The following CTNNA2 variants were observed in gnomAD, a reference collection of about 807,000 sequenced individuals.
The protein encoded by CTNNA2 is catenin alpha-2.
In CTNNA2, 42 loss-of-function variants were observed where a neutral mutation model predicts 101.0. The ratio of observed to expected loss-of-function variants is 0.42; its 90% CI spans 0.32 to 0.54. CTNNA2 has a LOEUF of 0.54. CTNNA2 is among the 20% of genes least tolerant of loss of function. The pLI, the probability that CTNNA2 is intolerant of heterozygous loss-of-function variation, is 0.14. For synonymous variants in CTNNA2, 450 were observed against 456.4 expected (o/e 0.99, Z 0.18); for missense variants, 871 against 1,223.1 (o/e 0.71, Z 4.29).
At chr2:80,051,444 G>T (rs746148226) in intron 7 of CTNNA2, among the ~76,000 whole-genome samples, 1 of 152,142 alleles carries the variant, frequency 6.6e-6, no homozygotes, top group Non-Finnish European at 1.5e-5. Flanking sequence ...ATCTTACTCT[G>T]CCAGATAGAT....
chr2:80,081,928 T>C (rs549956444), intron 7 of CTNNA2, among the ~76,000 whole-genome samples: 1 of 152,332 alleles, frequency 6.6e-6, no homozygotes, highest in East Asian at 1.9e-4. Context: ...TTTGGGACAC[T>C]AAAGGATTGC....
chr2:80,478,206 G>A (rs1685877509), intron 9 of CTNNA2, among the ~76,000 whole-genome samples: 1 of 152,028 alleles, frequency 6.6e-6, no homozygotes, highest in Non-Finnish European at 1.5e-5. Context: ...AAAAATGTCT[G>A]TGTATGTCAT....
chr2:79,866,475 T>C (rs1173574220), intron 4 of CTNNA2: 2 of 152,208 alleles, frequency 1.3e-5, no homozygotes, highest in African/African-American at 4.8e-5. Flanking sequence ...GGGATCCCTT[T>C]ATGTCAGCTC....
At chr2:80,260,044 C>T (rs1449462729) in intron 7 of CTNNA2, among the ~76,000 whole-genome samples, 2 of 152,138 alleles carry the variant, frequency 1.3e-5, no homozygotes, top group Non-Finnish European at 2.9e-5. Flanking sequence ...CTCTTTTAAT[C>T]GTCACAGTAA....
chr2:80,118,470 G>A (rs898155512), intron 7 of CTNNA2, among the ~76,000 whole-genome samples: 2 of 152,156 alleles, frequency 1.3e-5, no homozygotes, highest in Non-Finnish European at 2.9e-5. Flanking sequence ...CTTCCATGAA[G>A]GCATGATTTG....
chr2:79,344,034 C>T lies in CTNNA2; in HGVS notation c.-317-29797C>T, dbSNP rs111962528. Among the ~76,000 whole-genome samples, 891 of 152,206 alleles carry T rather than the reference C, an allele frequency of 5.9e-3. 4 individuals carry two copies. Among genetic ancestry groups the T allele is most frequent in the Non-Finnish European group, 0.01 (688 of 68,002 alleles). On this transcript the variant is annotated intron_variant, in intron 3 of 21. Coordinates refer to the CTNNA2 transcript ENST00000466387. ...ATGACCTCCTTTGTATGTAGGACGC[C>T]GAGCCCTGCCTTCATGCTCTCTTGT...
At chr2:79,974,070 G>T (rs1690671652) in intron 7 of CTNNA2, among the ~76,000 whole-genome samples, 1 of 151,998 alleles carries the variant, frequency 6.6e-6, no homozygotes, top group African/African-American at 2.4e-5. Flanking sequence ...CCTTCCCTTT[G>T]TCGCCATCTT....
chr2:80,571,611 A>C (rs199522694), intron 12 of CTNNA2, among the ~76,000 whole-genome samples: 4 of 152,128 alleles, frequency 2.6e-5, no homozygotes, highest in East Asian at 3.9e-4. Context: ...TGTATTTAAA[A>C]ATTTTTCACA....
intron 1 of CTNNA2, chr2:79,547,892 A>G (rs1008350501): frequency 2.6e-5 from 4 of 152,314 alleles, no homozygotes; most frequent in African/African-American, 7.2e-5. Context: ...ATGCTTATGC[A>G]TTATTTACCT....
At chr2:79,751,881 G>C (rs1296542742) in intron 3 of CTNNA2, among the ~76,000 whole-genome samples, 1 of 152,156 alleles carries the variant, frequency 6.6e-6, no homozygotes, top group Non-Finnish European at 1.5e-5. Flanking sequence ...GTACTACTTT[G>C]AGGGTCCAGG....
At chr2:79,475,143 G>C (rs1273149179) in intron 4 of CTNNA2, among the ~76,000 whole-genome samples, 2 of 151,754 alleles carry the variant, frequency 1.3e-5, no homozygotes, top group African/African-American at 2.4e-5. Context: ...TTTTGTCCCA[G>C]AGCTCCCCAT....
At chr2:80,611,816 TA>T (rs980164835) in intron 17 of CTNNA2, among the ~76,000 whole-genome samples, 23 of 151,588 alleles carry the variant, frequency 1.5e-4, no homozygotes, top group African/African-American at 5.3e-4. Context: ...TTTTTAAAGT[TA>T]AAAGATAACA....
chr2:80,269,402 G>A (rs1445978712), intron 7 of CTNNA2, among the ~76,000 whole-genome samples: 1 of 152,100 alleles, frequency 6.6e-6, no homozygotes, highest in Non-Finnish European at 1.5e-5. Flanking sequence ...GTTTCTTGAG[G>A]CCTCCCCAGC....
chr2:79,785,485 C>G (rs895321349), intron 3 of CTNNA2, among the ~76,000 whole-genome samples: 10 of 152,148 alleles, frequency 6.6e-5, no homozygotes, highest in Non-Finnish European at 1.5e-4. Context: ...CCAGCGAGGC[C>G]TCCCATGACC....
intron 3 of CTNNA2, among the ~76,000 whole-genome samples, chr2:79,857,782 T>C (rs1372771059): frequency 6.6e-6 from 1 of 152,224 alleles, no homozygotes; most frequent in East Asian, 1.9e-4. Context: ...GTGAAAAGCA[T>C]GACTTCATAC....
At chr2:79,898,204 G>A (rs998338293) in intron 6 of CTNNA2, among the ~76,000 whole-genome samples, 1 of 152,026 alleles carries the variant, frequency 6.6e-6, no homozygotes, top group African/African-American at 2.4e-5. Flanking sequence ...TGTGATCTCA[G>A]CTCATTGCAA....
chr2:80,555,663 C>T (rs1692967628), intron 11 of CTNNA2, 30 bp from the exon 12 acceptor site: 4 of 1,332,468 alleles, frequency 3.0e-6, no homozygotes, highest in Admixed American at 5.2e-5. Context: ...TATGTAAAGT[C>T]ATCTAAATGT....
chr2:80,474,740 G>C (rs1290402882), intron 9 of CTNNA2, among the ~76,000 whole-genome samples: 1 of 152,130 alleles, frequency 6.6e-6, no homozygotes, highest in East Asian at 1.9e-4. Flanking sequence ...CAGAAGACAG[G>C]CTGGTTAGAT....
At chr2:80,273,907 C>T (rs1158496486) in intron 7 of CTNNA2, among the ~76,000 whole-genome samples, 1 of 151,996 alleles carries the variant, frequency 6.6e-6, no homozygotes, top group African/African-American at 2.4e-5. Flanking sequence ...ATTTCTCTCC[C>T]ACTAGAATGA....
Sources: allele counts gnomAD v4.1 joint callset (sites outside exome capture counted in the v4.1 genomes callset), GRCh38; gene constraint gnomAD v4.1.1; transcripts MANE v1.5; gene names NCBI Gene and HGNC (gene_info 2026-07-23, HGNC 2026-07-21).